The following FRAS1 variants were observed in gnomAD, a reference collection of about 807,000 sequenced individuals.
The protein encoded by FRAS1 is extracellular matrix organizing protein FRAS1.
In FRAS1, 290 loss-of-function variants were observed where a neutral mutation model predicts 435.2. The ratio of observed to expected loss-of-function variants is 0.67; its 90% CI spans 0.61 to 0.73. The LOEUF (loss-of-function observed/expected upper bound fraction) is 0.73, where lower values mean the gene tolerates loss of function less well. Ranked by LOEUF, FRAS1 falls within the 30% of genes least tolerant of loss-of-function variation. The probability of loss-of-function intolerance (pLI) is 0.00; values close to 1 mark genes in which losing one functional copy is unlikely to be tolerated. For missense variants in FRAS1, 4,860 were observed against 5,001.5 expected (o/e 0.97, Z 0.85); for synonymous variants, 1,800 against 1,851.0 (o/e 0.97, Z 0.71).
intron 29 of FRAS1, 118 bp from the exon 30 acceptor site, chr4:78,400,616 A>ATG: frequency 1.1e-6 from 1 of 911,420 alleles, no homozygotes; most frequent in Non-Finnish European, 1.6e-6. Flanking sequence ...GAAGCTGTGA[A>ATG]TCTCTCTGTC....
chr4:78,504,839 G>A (rs973805255), intron 61 of FRAS1, among the ~76,000 whole-genome samples: 1 of 152,202 alleles, frequency 6.6e-6, no homozygotes, highest in South Asian at 2.1e-4. Flanking sequence ...TTACAATTTG[G>A]CATGTTTTTG....
intron 29 of FRAS1, among the ~76,000 whole-genome samples, chr4:78,400,234 A>T (rs576065061): frequency 6.6e-6 from 1 of 152,106 alleles, no homozygotes; most frequent in African/African-American, 2.4e-5. Flanking sequence ...CTATTCTCCC[A>T]CAGCTCCCTG....
chr4:78,327,137 G>A (rs1194348032), intron 18 of FRAS1, among the ~76,000 whole-genome samples: 1 of 152,192 alleles, frequency 6.6e-6, no homozygotes, highest in African/African-American at 2.4e-5. Flanking sequence ...TGGAAGGATT[G>A]CTGGAGGCCT....
intron 30 of FRAS1, among the ~76,000 whole-genome samples, chr4:78,405,165 T>A (rs544822959): frequency 4.0e-4 from 61 of 152,334 alleles, no homozygotes; most frequent in African/African-American, 1.4e-3. Context: ...CATAAAAATT[T>A]AGGTTTGTTT....
At chr4:78,089,605 C>T (rs190549922) in intron 2 of FRAS1, among the ~76,000 whole-genome samples, 171 of 152,204 alleles carry the variant, frequency 1.1e-3, no homozygotes, top group African/African-American at 3.6e-3. Context: ...GGGATTTAAA[C>T]TCCAGGTCCC....
chr4:78,309,597 T>G (rs1728935478), intron 15 of FRAS1, among the ~76,000 whole-genome samples: 1 of 152,228 alleles, frequency 6.6e-6, no homozygotes, highest in African/African-American at 2.4e-5. Context: ...GCTCTGGGCC[T>G]TAACTGCCTG....
chr4:78,315,170 T>C (rs1729186398), intron 15 of FRAS1, among the ~76,000 whole-genome samples: 1 of 152,214 alleles, frequency 6.6e-6, no homozygotes, highest in Admixed American at 6.5e-5. Flanking sequence ...CTGAATTCTC[T>C]CTCCAAGTAG....
chr4:78,155,109 T>C (rs1435593290), intron 2 of FRAS1, among the ~76,000 whole-genome samples: 2 of 152,228 alleles, frequency 1.3e-5, no homozygotes, highest in Non-Finnish European at 2.9e-5. Flanking sequence ...ATAGCTGCTT[T>C]AAACTATAAA....
chr4:78,436,514 A>G (rs1279001165), intron 38 of FRAS1, among the ~76,000 whole-genome samples: 1 of 152,232 alleles, frequency 6.6e-6, no homozygotes, highest in Non-Finnish European at 1.5e-5. Context: ...TTGTGCAAGA[A>G]TGTTCATAGC....
chr4:78,099,146 A>AG (rs1396326302), intron 2 of FRAS1, among the ~76,000 whole-genome samples: 3 of 151,800 alleles, frequency 2.0e-5, no homozygotes, highest in South Asian at 2.1e-4. Flanking sequence ...TAGAGAGGAG[A>AG]GGGGGGGCCA....
intron 58 of FRAS1, among the ~76,000 whole-genome samples, chr4:78,483,631 T>G (rs1720078004): frequency 6.6e-6 from 1 of 151,756 alleles, no homozygotes; most frequent in Non-Finnish European, 1.5e-5. Context: ...TAGTAAACAA[T>G]TCAAATGGCA....
rs778793251 is a variant in FRAS1 at position 78,481,979 on chromosome 4, G to A, written c.8604+15G>A. 25 of 1,608,518 alleles carry A rather than the reference G, an allele frequency of 1.6e-5. No homozygotes were observed. The highest frequency in any genetic ancestry group is 1.1e-5 in the Non-Finnish European group (13 of 1,178,650). On this transcript the variant is annotated intron_variant, in intron 57 of 73. Transcript: ENST00000512123. ...TCATTGAACAGGTGCGTTTACAGCA[G>A]TCGAGACTCCACAAAGTTGACAGGT... is the stretch of plus-strand genomic sequence containing the variant.
In FRAS1 at chr4:78,374,270, A is replaced by C. The variant is rs759257183; in HGVS notation, c.3151+19A>C. 9.8e-6 allele frequency: 15 copies of C among 1,525,930 alleles called. 1 individual carries two copies. Among genetic ancestry groups the C allele is most frequent in the African/African-American group, 2.8e-5 (2 of 72,722 alleles). 94.5% of individuals were successfully genotyped at this position (1,525,930 alleles called of 1,614,324 possible). On this transcript the variant is annotated intron_variant, in intron 25 of 73. Coordinates refer to ENST00000512123, the MANE Select transcript of FRAS1 (RefSeq NM_025074.7). ...TGCACAGGTAACTTGGAGACTGCTG[A>C]TTATTCTGGAAAGAAGTGAGGGCAG...
chr4:78,098,371 G>A (rs927623015), intron 2 of FRAS1, among the ~76,000 whole-genome samples: 2 of 151,360 alleles, frequency 1.3e-5, no homozygotes, highest in African/African-American at 4.9e-5. Flanking sequence ...CACTTCCCAG[G>A]TTCCTGCAAT....
intron 2 of FRAS1, among the ~76,000 whole-genome samples, chr4:78,141,230 G>A (rs950600403): frequency 2.6e-5 from 4 of 152,008 alleles, no homozygotes; most frequent in African/African-American, 9.7e-5. Context: ...AGTGTGTGAT[G>A]TTCCCCTCCC....
At chr4:78,334,630 AAGTGCTGGG>A (rs1730097606) in intron 19 of FRAS1, among the ~76,000 whole-genome samples, 1 of 152,052 alleles carries the variant, frequency 6.6e-6, no homozygotes. Flanking sequence ...CAGCCTCCCA[AAGTGCTGGG>A]ATTACAGGCA....
At chr4:78,299,205 A>G (rs1406290132) in intron 14 of FRAS1, among the ~76,000 whole-genome samples, 1 of 152,184 alleles carries the variant, frequency 6.6e-6, no homozygotes, top group Non-Finnish European at 1.5e-5. Context: ...TGGAAGATGG[A>G]GCAGGAAAGT....
chr4:78,347,785 GTGTTTT>G (rs1730664374), intron 20 of FRAS1, among the ~76,000 whole-genome samples: 1 of 100,156 alleles, frequency 1.0e-5, no homozygotes, highest in Admixed American at 1.0e-4. Context: ...GTGTGTGTGT[GTGTTTT>G]TTTTTTTTTT....
chr4:78,409,065 G>A (rs1345759925), intron 31 of FRAS1, among the ~76,000 whole-genome samples: 1 of 143,188 alleles, frequency 7.0e-6, no homozygotes, highest in Non-Finnish European at 1.5e-5. Flanking sequence ...GCTGCACTGA[G>A]CCATGATCAC....
Sources: allele counts gnomAD v4.1 joint callset (sites outside exome capture counted in the v4.1 genomes callset), GRCh38; gene constraint gnomAD v4.1.1; transcripts MANE v1.5; gene names NCBI Gene and HGNC (gene_info 2026-07-23, HGNC 2026-07-21).